Variants in POFUT3 observed in about 807,000 individuals in gnomAD.
The protein encoded by POFUT3 is protein O-fucosyltransferase 3, also known as GDP-fucose protein O-fucosyltransferase 3.
the POFUT3 span, among the ~76,000 whole-genome samples, chr8:33,410,328 T>C: frequency 3.2e-4 from 48 of 152,272 alleles, no homozygotes; most frequent in African/African-American, 1.1e-3. Flanking sequence ...TCCAAGGAAA[T>C]GATCACTTTT....
the POFUT3 span, among the ~76,000 whole-genome samples, chr8:33,379,993 A>G: frequency 1.9e-3 from 133 of 71,364 alleles, 12 homozygotes; most frequent in African/African-American, 8.1e-3. Context: ...TATATATAGT[A>G]TATATATATA....
chr8:33,429,888 C>T, the POFUT3 span, among the ~76,000 whole-genome samples: 61 of 151,180 alleles, frequency 4.0e-4, no homozygotes, highest in Admixed American at 3.4e-3. Context: ...CCCAGCTACT[C>T]GGGAGAGTGA....
the POFUT3 span, among the ~76,000 whole-genome samples, chr8:33,438,580 T>C: frequency 1.3e-5 from 2 of 152,162 alleles, no homozygotes; most frequent in Non-Finnish European, 1.5e-5. Flanking sequence ...AGCAAGACCT[T>C]GTTCCTCCCC....
chr8:33,332,826 A>G, the POFUT3 span, among the ~76,000 whole-genome samples: 2 of 152,164 alleles, frequency 1.3e-5, no homozygotes, highest in African/African-American at 4.8e-5. Flanking sequence ...TCTCACTGCC[A>G]TTACAACTCC....
At chr8:33,464,074 G>A in the POFUT3 span, among the ~76,000 whole-genome samples, 1 of 152,092 alleles carries the variant, frequency 6.6e-6, no homozygotes, top group African/African-American at 2.4e-5. Context: ...ATCCTCATGA[G>A]GCCTAATCAG....
chr8:33,419,615 C>T, the POFUT3 span, among the ~76,000 whole-genome samples: 4 of 152,282 alleles, frequency 2.6e-5, no homozygotes, highest in East Asian at 5.8e-4. Context: ...CCTTAAATGC[C>T]ATGACTCCCT....
At chr8:33,392,194 C>G in the POFUT3 span, among the ~76,000 whole-genome samples, 2 of 152,148 alleles carry the variant, frequency 1.3e-5, no homozygotes, top group Non-Finnish European at 2.9e-5. Context: ...ACCACACATG[C>G]GTGCGCATGT....
chr8:33,433,300 G>A, the POFUT3 span, among the ~76,000 whole-genome samples: 1 of 151,872 alleles, frequency 6.6e-6, no homozygotes, highest in East Asian at 2.0e-4. Context: ...AACATAGGAA[G>A]ACCTTATCTC....
the POFUT3 span, among the ~76,000 whole-genome samples, chr8:33,440,080 C>T: frequency 4.6e-5 from 7 of 151,310 alleles, no homozygotes; most frequent in African/African-American, 7.3e-5. Flanking sequence ...AGTCAAAATG[C>T]GACAGAACCT....
At chr8:33,440,403 C>A in the POFUT3 span, among the ~76,000 whole-genome samples, 1 of 152,110 alleles carries the variant, frequency 6.6e-6, no homozygotes, top group East Asian at 1.9e-4. Context: ...AAATGCTCAT[C>A]CCTGTCTGGT....
At chr8:33,358,247 T>C in the POFUT3 span, among the ~76,000 whole-genome samples, 1 of 152,108 alleles carries the variant, frequency 6.6e-6, no homozygotes, top group Non-Finnish European at 1.5e-5. Flanking sequence ...AGCAAAACCC[T>C]GTCTCAAAAA....
the POFUT3 span, among the ~76,000 whole-genome samples, chr8:33,387,518 A>G: frequency 1.3e-4 from 20 of 152,244 alleles, 3 homozygotes; most frequent in African/African-American, 4.8e-4. Flanking sequence ...GAAAATTTAG[A>G]TAAGGCCAGA....
chr8:33,393,214 T>C, the POFUT3 span, among the ~76,000 whole-genome samples: 1 of 152,224 alleles, frequency 6.6e-6, no homozygotes, highest in Non-Finnish European at 1.5e-5. Context: ...ACCTATGGTA[T>C]ATCCATAAAA....
chr8:33,386,498 A>C, the POFUT3 span, among the ~76,000 whole-genome samples: 1 of 152,046 alleles, frequency 6.6e-6, no homozygotes, highest in South Asian at 2.1e-4. Flanking sequence ...TGCAGGAATG[A>C]TCTCCTACAT....
At chr8:33,427,276 T>TAAAAAC in the POFUT3 span, among the ~76,000 whole-genome samples, 14 of 151,994 alleles carry the variant, frequency 9.2e-5, no homozygotes, top group African/African-American at 2.7e-4. Flanking sequence ...CCTTGTCTCT[T>TAAAAAC]AAAAACAAAA....
At chr8:33,427,498 G>C in the POFUT3 span, among the ~76,000 whole-genome samples, 28 of 152,106 alleles carry the variant, frequency 1.8e-4, no homozygotes, top group African/African-American at 6.7e-4. Context: ...AGAATCACTT[G>C]AATCCAGGAG....
At chr8:33,328,671 C>T in the POFUT3 span, among the ~76,000 whole-genome samples, 1 of 152,180 alleles carries the variant, frequency 6.6e-6, no homozygotes, top group African/African-American at 2.4e-5. Flanking sequence ...CCGAAGCCAT[C>T]CCTGGCAGAG....
At chr8:33,403,982 G>A in the POFUT3 span, among the ~76,000 whole-genome samples, 1 of 152,040 alleles carries the variant, frequency 6.6e-6, no homozygotes, top group South Asian at 2.1e-4. Flanking sequence ...GGACACATCT[G>A]CAGCTCAGCA....
the POFUT3 span, among the ~76,000 whole-genome samples, chr8:33,408,248 A>C: frequency 4.6e-5 from 7 of 151,794 alleles, no homozygotes; most frequent in Non-Finnish European, 1.0e-4. Context: ...CACTTGAGCA[A>C]AGGAATTCAA....
Sources: allele counts gnomAD v4.1 joint callset (sites outside exome capture counted in the v4.1 genomes callset), GRCh38; gene constraint gnomAD v4.1.1; transcripts MANE v1.5; gene names NCBI Gene and HGNC (gene_info 2026-07-23, HGNC 2026-07-21).